The following PIEZO1 variants were observed in gnomAD, a reference collection of about 807,000 sequenced individuals.
PIEZO1 encodes piezo type mechanosensitive ion channel component 1 (Er blood group), also known as piezo-type mechanosensitive ion channel component 1.
Under a neutral mutation model 297.2 loss-of-function variants are expected in PIEZO1, and 296 were observed. The observed-to-expected ratio is 1.00, with a 90% CI of 0.91 to 1.10. The LOEUF (loss-of-function observed/expected upper bound fraction) is 1.10. PIEZO1 is among the 50% of genes least tolerant of loss of function. The pLI is 0.00. For missense variants in PIEZO1, 5,018 were observed against 3,455.5 expected (o/e 1.45, Z -11.34); for synonymous variants, 2,427 against 1,507.5 (o/e 1.61, Z -14.13).
intron 1 of PIEZO1, among the ~76,000 whole-genome samples, chr16:88,759,269 C>CCCT (rs1273919025): frequency 1.3e-5 from 2 of 152,234 alleles, no homozygotes. Context: ...CTGGCCGGGG[C>CCCT]AGGCACCTTG....
intron 1 of PIEZO1, among the ~76,000 whole-genome samples, chr16:88,781,293 G>A (rs921384753): frequency 6.6e-6 from 1 of 152,228 alleles, no homozygotes; most frequent in African/African-American, 2.4e-5. Context: ...ACCCCCAGAG[G>A]AAACTTCCTC....
Position 88,732,543 on chromosome 16 carries a change from G to A in PIEZO1, c.2791-8C>T. 1 of 1,545,138 alleles carries A rather than the reference G, an allele frequency of 6.5e-7. No individual in the cohort carries two copies. The highest frequency in any genetic ancestry group is 8.8e-7 in the Non-Finnish European group (1 of 1,142,816). ...CAGCACTTGCAGGTGGTTCTGCGGA[G>A]GGCAAGGGTCAGGGGGCAGCCGGGT... On this transcript the variant is annotated splice_region_variant and splice_polypyrimidine_tract_variant and intron_variant, in intron 20 of 50. Transcript: ENST00000301015.
At position 88,719,610 on chromosome 16, in the gene PIEZO1, G is replaced by T; in HGVS notation, c.6435C>A (p.Asn2145Lys). 1.3e-6 allele frequency: 2 copies of T among 1,551,904 alleles called. No homozygotes were observed. The highest frequency in any genetic ancestry group is 1.7e-6 in the Non-Finnish European group (2 of 1,147,642). ...SWMCVEDIYA[N>K]IFIIKCSRET... Reference sequence around the variant, plus strand: ...CTCGGCTGCATTTGATGATGAAGATGTTGGCATAGATGTCCTCCACACACA... The same window carrying T: ...CTCGGCTGCATTTGATGATGAAGATTTTGGCATAGATGTCCTCCACACACA... The change falls in exon 44 of 51, where the codon AAC (asparagine) becomes AAA (lysine). Residue 2145 changes from asparagine (N) to lysine (K), a missense_variant. Physicochemically the swap from Asn to Lys is moderately conservative, Grantham distance 94 (BLOSUM62 0). Coordinates refer to ENST00000301015, the MANE Select transcript of PIEZO1 (RefSeq NM_001142864.4).
chr16:88,784,998 C>G lies in PIEZO1; in HGVS notation c.-34G>C. 8.3e-7 allele frequency: 1 copy of G among 1,207,934 alleles called. No homozygotes were observed. The highest frequency in any genetic ancestry group is 1.0e-6 in the Non-Finnish European group (1 of 967,122). 74.8% of individuals were successfully genotyped at this position (1,207,934 alleles called of 1,614,324 possible). A position where few individuals can be genotyped will look rare whatever the true frequency, so the allele number is the denominator to read the frequency against. ...GGCCCAGGGCCCGGCCCAGACCGAG[C>G]GGACGCCGCGGCGCTATGGGGCGGT... On this transcript the variant is annotated 5_prime_UTR_variant, in exon 1 of 51. Coordinates refer to ENST00000301015, the MANE Select transcript of PIEZO1 (RefSeq NM_001142864.4).
chr16:88,718,602 C>T (rs967778484), intron 44 of PIEZO1: 3 of 152,272 alleles, frequency 2.0e-5, no homozygotes, highest in African/African-American at 7.2e-5. Flanking sequence ...AGCCTGTTTT[C>T]ATGAAATATC....
At chr16:88,759,775 G>A (rs567107724) in intron 1 of PIEZO1, among the ~76,000 whole-genome samples, 1 of 152,292 alleles carries the variant, frequency 6.6e-6, no homozygotes. Flanking sequence ...CCCGCCCCCA[G>A]ACGCCCCGTG....
At position 88,716,646 on chromosome 16, in the gene PIEZO1, A is replaced by G; in HGVS notation, c.6839T>C (p.Ile2280Thr). 2 of 1,549,642 alleles carry G rather than the reference A, an allele frequency of 1.3e-6. No homozygotes were observed. The highest frequency in any genetic ancestry group is 1.7e-6 in the Non-Finnish European group (2 of 1,146,918). Residue 2280 changes from isoleucine (I) to threonine (T), a missense_variant, in exon 47 of 51, where the codon ATC (isoleucine) becomes ACC (threonine). Transcript: ENST00000301015. Reference protein sequence around the residue: ...IEGSSGALWRISPPSRAQMKR... With the variant: ...IEGSSGALWRTSPPSRAQMKR... ...CATCTGGGCACGGCTGGGGGGACTG[A>G]TGCGCCACAGCGCCCCGGAGCTGCC...
At chr16:88,757,213 G>T (rs920883641) in intron 1 of PIEZO1, among the ~76,000 whole-genome samples, 2 of 152,012 alleles carry the variant, frequency 1.3e-5, no homozygotes, top group Non-Finnish European at 2.9e-5. Flanking sequence ...CTCGGAGCCG[G>T]GGGCTGGAAG....
chr16:88,717,171 A>G lies in PIEZO1; in HGVS notation c.6512T>C (p.Val2171Ala). Residue 2171 changes from valine (V) to alanine (A), a missense_variant, in exon 45 of 51, where the codon GTC becomes GCC. Transcript: ENST00000301015. ...QPKGQKKKKI[V>A]KYGMGGLIIL... ...GATGAGGCCACCCATGCCGTACTTG[A>G]CGATCTTCTTCTTCTTCTGCCCTTT... 6.4e-7 allele frequency: 1 copy of G among 1,550,754 alleles called. No homozygotes were observed. The highest frequency in any genetic ancestry group is 1.2e-5 in the South Asian group (1 of 84,072).
rs572587935 is a variant in PIEZO1, at chr16:88,769,417, C to T, written c.64+15484G>A. Among the ~76,000 whole-genome samples the T allele has an allele frequency of 2.6e-5, 4 of 152,302 alleles. No homozygotes were observed. The South Asian group carries it at 6.2e-4, about 24-fold the overall frequency. ...GTATGAAGTCAGGCCTGGAATTTTCCGCTTGGATTTAGATTTCGGACTTGG... is the reference window on the plus strand; with the variant it reads ...GTATGAAGTCAGGCCTGGAATTTTCTGCTTGGATTTAGATTTCGGACTTGG... On this transcript the variant is annotated intron_variant, in intron 1 of 50. Coordinates refer to ENST00000301015, the MANE Select transcript of PIEZO1 (RefSeq NM_001142864.4).
chr16:88,759,825 G>A (rs1271715715), intron 1 of PIEZO1, among the ~76,000 whole-genome samples: 1 of 152,194 alleles, frequency 6.6e-6, no homozygotes, highest in East Asian at 1.9e-4. Context: ...CACACGGGCT[G>A]CATGGCCTAC....
At chr16:88,725,120 C>G in intron 29 of PIEZO1, 40 bp from the exon 30 acceptor site, 1 of 1,409,434 alleles carries the variant, frequency 7.1e-7, no homozygotes, top group Non-Finnish European at 9.6e-7. Flanking sequence ...GCAGTCAAGC[C>G]ACCAGGAGGG....
chr16:88,736,982 C>G (rs1248021440), intron 10 of PIEZO1: 2 of 416,152 alleles, frequency 4.8e-6, no homozygotes, highest in Non-Finnish European at 8.7e-6. Context: ...GGAAAGGTGG[C>G]CCTGACCCCC....
Position 88,722,895 on chromosome 16 carries a change from C to G in PIEZO1, c.4610G>C (p.Gly1537Ala), listed in dbSNP as rs986376990. ...RWLQEFTRHH[G>A]TMSDVLRAER... ...TGCCCGCAGCACGTCGCTCATGGTG[C>G]CGTGGTGCCGGGTGAACTCCTGCAG... The change falls in exon 34 of 51, where the codon GGC (glycine) becomes GCC (alanine). Residue 1537 changes from glycine (G) to alanine (A), a missense_variant. Gly to Ala is a moderately conservative substitution (Grantham distance 60, BLOSUM62 0). Coordinates refer to ENST00000301015, the MANE Select transcript of PIEZO1 (RefSeq NM_001142864.4). 9 of 1,549,032 alleles carry G rather than the reference C, an allele frequency of 5.8e-6. No individual in the cohort carries two copies. In the African/African-American group the frequency reaches 1.2e-4, roughly 21 times the overall value.
intron 1 of PIEZO1, among the ~76,000 whole-genome samples, chr16:88,773,162 G>A (rs533558898): frequency 3.9e-5 from 6 of 152,320 alleles, no homozygotes; most frequent in Non-Finnish European, 8.8e-5. Flanking sequence ...CTTCCTCCTG[G>A]GTCTCATTGA....
chr16:88,745,922 G>A (rs1906026795), intron 2 of PIEZO1, among the ~76,000 whole-genome samples: 1 of 152,138 alleles, frequency 6.6e-6, no homozygotes, highest in Admixed American at 6.5e-5. Flanking sequence ...CAAAGGCTGA[G>A]GGGCCCCACC....
Position 88,738,592 on chromosome 16 carries a change from C to G in PIEZO1, c.610G>C (p.Ala204Pro). The stretch of plus-strand genomic sequence containing the variant: ...CCTGCCAGTGCAAGCAGTGTTACGG[C>G]CAGGACCCGCCCAGCCGCCACCAGC... ...WLLVAAGRVL[A>P]VTLLALAGIA... Residue 204 changes from alanine (A) to proline (P), a missense_variant, in exon 6 of 51, where the codon GCC (alanine) becomes CCC (proline). Coordinates refer to ENST00000301015, the MANE Select transcript of PIEZO1 (RefSeq NM_001142864.4). The G allele has an allele frequency of 6.5e-7, 1 of 1,535,510 alleles. No homozygotes were observed.
Position 88,727,412 on chromosome 16 carries a change from G to A in PIEZO1, c.3301+145C>T, listed in dbSNP as rs922727080. The A allele has an allele frequency of 1.5e-4, 99 of 649,716 alleles. 2 individuals are homozygous for A. The highest frequency in any genetic ancestry group is 7.3e-5 in the African/African-American group (4 of 54,598). 40.2% of individuals were successfully genotyped at this position (649,716 alleles called of 1,614,324 possible). A position where few individuals can be genotyped will look rare whatever the true frequency, so the allele number is the denominator to read the frequency against. ...CACAGGCTGAGGTCTGCGTGCGTGC[G>A]TGCGAGGTCAGGGCCTGCAGGCCGC... is the stretch of plus-strand genomic sequence containing the variant. On this transcript the variant is annotated intron_variant, in intron 23 of 50. Transcript: ENST00000301015.
chr16:88,755,088 G>C (rs896071283), intron 1 of PIEZO1, among the ~76,000 whole-genome samples: 2 of 152,158 alleles, frequency 1.3e-5, no homozygotes, highest in African/African-American at 4.8e-5. Context: ...CCCCAGTGCA[G>C]GCACGGGGCT....
Sources: allele counts gnomAD v4.1 joint callset (sites outside exome capture counted in the v4.1 genomes callset), GRCh38; gene constraint gnomAD v4.1.1; transcripts MANE v1.5; gene names NCBI Gene and HGNC (gene_info 2026-07-23, HGNC 2026-07-21).